The following HDAC9 variants were observed in gnomAD, a reference collection of about 807,000 sequenced individuals.
The protein encoded by HDAC9 is histone deacetylase 9.
In HDAC9, 41 loss-of-function variants were observed where a neutral mutation model predicts 139.4. The observed-to-expected ratio is 0.29, with a 90% CI of 0.23 to 0.38. The LOEUF (loss-of-function observed/expected upper bound fraction) is 0.38, where lower values mean the gene tolerates loss of function less well. Ranked by LOEUF, HDAC9 falls within the 10% of genes least tolerant of loss-of-function variation. The probability of loss-of-function intolerance (pLI) is 1.00; values close to 1 mark genes in which losing one functional copy is unlikely to be tolerated. For missense variants in HDAC9, 1,147 were observed against 1,297.0 expected, an observed-to-expected ratio of 0.88 and a Z score of 1.78; for synonymous variants, 517 against 476.2, an observed-to-expected ratio of 1.09 and a Z score of -1.12.
intron 21 of HDAC9, among the ~76,000 whole-genome samples, chr7:18,861,019 G>C (rs1006902093): frequency 6.6e-6 from 1 of 152,142 alleles, no homozygotes; most frequent in Admixed American, 6.6e-5. Flanking sequence ...TGGAAAGACT[G>C]ATTTAGTAAT....
intron 21 of HDAC9, among the ~76,000 whole-genome samples, chr7:18,869,980 T>G (rs1400955510): frequency 6.6e-6 from 1 of 152,022 alleles, no homozygotes; most frequent in East Asian, 1.9e-4. Flanking sequence ...CCTCTTTAAT[T>G]GCTATAATTT....
At chr7:18,586,325 A>C (rs1012502544) in intron 3 of HDAC9, among the ~76,000 whole-genome samples, 4 of 152,104 alleles carry the variant, frequency 2.6e-5, no homozygotes, top group Admixed American at 2.6e-4. Context: ...TGACAAAGAC[A>C]GTTGAAACAA....
intron 12 of HDAC9, chr7:18,668,338 C>G: frequency 1.1e-6 from 1 of 943,520 alleles, no homozygotes; most frequent in South Asian, 4.9e-5. Flanking sequence ...AGTTGTTTTG[C>G]ATTAAAAATA....
chr7:18,282,330 A>G (rs2128220512), intron 2 of HDAC9, among the ~76,000 whole-genome samples: 1 of 152,342 alleles, frequency 6.6e-6, no homozygotes, highest in South Asian at 2.1e-4. Flanking sequence ...AAGTCCAGAA[A>G]GTTTAATAAC....
intron 17 of HDAC9, among the ~76,000 whole-genome samples, chr7:18,811,337 T>C (rs956639349): frequency 1.3e-5 from 2 of 151,836 alleles, no homozygotes; most frequent in Non-Finnish European, 3.0e-5. Flanking sequence ...GCTGAGGTCA[T>C]AGATTTCAGA....
chr7:18,302,528 T>C (rs1798610365), intron 1 of HDAC9, among the ~76,000 whole-genome samples: 1 of 152,212 alleles, frequency 6.6e-6, no homozygotes, highest in South Asian at 2.1e-4. Context: ...ACTTTACCTT[T>C]CCAAGTCTCA....
chr7:18,413,253 C>A (rs992949500), intron 1 of HDAC9, among the ~76,000 whole-genome samples: 5 of 152,140 alleles, frequency 3.3e-5, no homozygotes, highest in African/African-American at 1.2e-4. Flanking sequence ...GAAGCCCAGA[C>A]GTCTCAGTTT....
At chr7:18,585,205 T>G in intron 2 of HDAC9, 76 bp from the exon 3 acceptor site, 1 of 1,519,184 alleles carries the variant, frequency 6.6e-7, no homozygotes, top group Non-Finnish European at 9.0e-7. Context: ...TTTTATTTGT[T>G]TCCAAATCAA....
At chr7:18,297,405 C>G (rs536134643) in intron 1 of HDAC9, among the ~76,000 whole-genome samples, 63 of 152,210 alleles carry the variant, frequency 4.1e-4, no homozygotes, top group African/African-American at 1.5e-3. Flanking sequence ...GAATTTTGCA[C>G]CAATTCTTTG....
intron 22 of HDAC9, among the ~76,000 whole-genome samples, chr7:18,911,557 G>C (rs1802744545): frequency 6.6e-6 from 1 of 150,464 alleles, no homozygotes; most frequent in Admixed American, 6.6e-5. Flanking sequence ...TACTAATTTG[G>C]GGTTTGGTTT....
chr7:18,713,178 T>TA (rs928181706), intron 12 of HDAC9, among the ~76,000 whole-genome samples: 25 of 150,094 alleles, frequency 1.7e-4, no homozygotes, highest in Non-Finnish European at 2.2e-4. Flanking sequence ...ATGAGTGTCA[T>TA]AAAAAAAAAA....
At chr7:18,373,059 AAATT>A (rs71014324) in intron 1 of HDAC9, among the ~76,000 whole-genome samples, 1,832 of 152,334 alleles carry the variant, frequency 0.012, 12 homozygotes, top group Non-Finnish European at 0.021. Flanking sequence ...TAGTATCAAT[AAATT>A]AATATCTCCC....
At chr7:18,094,980 A>G (rs955698024) in intron 1 of HDAC9, among the ~76,000 whole-genome samples, 5 of 152,334 alleles carry the variant, frequency 3.3e-5, no homozygotes, top group East Asian at 3.9e-4. Flanking sequence ...GTCTCGTTCT[A>G]TAGCTGATTT....
intron 1 of HDAC9, among the ~76,000 whole-genome samples, chr7:18,122,850 C>A (rs953556948): frequency 3.3e-5 from 5 of 152,154 alleles, no homozygotes; most frequent in Non-Finnish European, 5.9e-5. Flanking sequence ...AACTCCTGGC[C>A]TCAAGTGATC....
intron 22 of HDAC9, among the ~76,000 whole-genome samples, chr7:18,927,234 A>G (rs140001563): frequency 1.1e-3 from 174 of 152,310 alleles, no homozygotes; most frequent in Middle Eastern, 0.01. Flanking sequence ...AATGATCCCA[A>G]CATCATCAGG....
intron 14 of HDAC9, among the ~76,000 whole-genome samples, chr7:18,750,191 T>G (rs1458541830): frequency 6.6e-6 from 1 of 152,170 alleles, no homozygotes; most frequent in African/African-American, 2.4e-5. Context: ...TGCAAACTAC[T>G]AAAAATAATT....
chr7:18,842,939 A>G (rs1379818862), intron 21 of HDAC9, among the ~76,000 whole-genome samples: 3 of 152,090 alleles, frequency 2.0e-5, no homozygotes, highest in Admixed American at 1.3e-4. Context: ...TGAAGTTTTG[A>G]AAGGGAAGTG....
chr7:18,803,904 A>T (rs10281362), intron 17 of HDAC9, among the ~76,000 whole-genome samples: 14,534 of 152,050 alleles, frequency 0.096, 785 homozygotes, highest in African/African-American at 0.14. Flanking sequence ...TAATTTATTT[A>T]AAAAAAACAT....
chr7:18,886,642 GT>G (rs1209678532), intron 22 of HDAC9, among the ~76,000 whole-genome samples: 1 of 152,068 alleles, frequency 6.6e-6, no homozygotes, highest in Non-Finnish European at 1.5e-5. Context: ...TCTTTGAGAT[GT>G]TTGTAAAATC....
Sources: allele counts gnomAD v4.1 joint callset (sites outside exome capture counted in the v4.1 genomes callset), GRCh38; gene constraint gnomAD v4.1.1; transcripts MANE v1.5; gene names NCBI Gene and HGNC (gene_info 2026-07-23, HGNC 2026-07-21).